Variants in EXT1 observed in about 807,000 individuals in gnomAD.
EXT1 encodes the protein exostosin glycosyltransferase 1, also known as exostosin-1.
A neutral mutation model predicts 82.5 loss-of-function variants in EXT1; 20 were observed. The observed-to-expected ratio is 0.24, with a 90% CI of 0.17 to 0.35. EXT1 has a LOEUF of 0.35. Ranked by LOEUF, EXT1 falls within the 10% of genes least tolerant of loss-of-function variation. The pLI is 1.00. For missense variants in EXT1, 757 were observed against 936.5 expected (o/e 0.81, Z 2.50); for synonymous variants, 348 against 350.8 (o/e 0.99, Z 0.09).
At chr8:117,876,428 C>T (rs1250295543) in intron 1 of EXT1, among the ~76,000 whole-genome samples, 1 of 152,132 alleles carries the variant, frequency 6.6e-6, no homozygotes, top group Non-Finnish European at 1.5e-5. Context: ...TACTAGACTC[C>T]AGACCCAGAG....
rs893087898 is a variant in EXT1 at position 118,017,394 on chromosome 8, C to T, written c.962+92691G>A. On this transcript the variant is annotated intron_variant, in intron 1 of 10. Transcript: ENST00000378204. The stretch of plus-strand genomic sequence containing the variant: ...TATATGAAACAAAAGAGTTATTTGA[C>T]GCATGTTTTTACCTGAGTTGCTAAA... Among the ~76,000 whole-genome samples the T allele has an allele frequency of 1.5e-3, 226 of 152,136 alleles. 4 individuals carry two copies. The highest frequency in any genetic ancestry group is 2.5e-4 in the Non-Finnish European group (17 of 68,014).
intron 1 of EXT1, among the ~76,000 whole-genome samples, chr8:118,005,092 A>C (rs1401799092): frequency 6.6e-6 from 1 of 152,158 alleles, no homozygotes; most frequent in Non-Finnish European, 1.5e-5. Flanking sequence ...AGAGCTGGAG[A>C]GTGGCAGTCA....
intron 10 of EXT1, among the ~76,000 whole-genome samples, chr8:117,803,314 C>A (rs1362663561): frequency 6.6e-6 from 1 of 152,052 alleles, no homozygotes; most frequent in Non-Finnish European, 1.5e-5. Flanking sequence ...CGTGCCTCAG[C>A]CACCCGAGTA....
At chr8:117,931,244 T>C (rs1814055168) in intron 1 of EXT1, among the ~76,000 whole-genome samples, 1 of 152,176 alleles carries the variant, frequency 6.6e-6, no homozygotes, top group African/African-American at 2.4e-5. Context: ...GAATTCTTTC[T>C]CTCACAAGAT....
rs535901509 is a variant in EXT1, at chr8:118,020,479, A to T, written c.962+89606T>A. Reference sequence around the variant, plus strand: ...TATAGATGCTATGATAATCCTCTATAAATCAATGTTTAGTGCATTATCTGA... The same window carrying T: ...TATAGATGCTATGATAATCCTCTATTAATCAATGTTTAGTGCATTATCTGA... On this transcript the variant is annotated intron_variant, in intron 1 of 10. Transcript: ENST00000378204. 4.1e-4 allele frequency among the ~76,000 whole-genome samples: 62 copies of T among 152,344 alleles called. 1 individual carries two copies. Among genetic ancestry groups the T allele is most frequent in the Middle Eastern group, 6.8e-3 (2 of 294 alleles).
At chr8:117,865,730 C>T (rs890314538) in intron 1 of EXT1, among the ~76,000 whole-genome samples, 7 of 152,114 alleles carry the variant, frequency 4.6e-5, no homozygotes, top group South Asian at 2.1e-4. Context: ...TCGTATAAAT[C>T]GTGTAAATAA....
In EXT1 at chr8:118,111,022, T is replaced by A. The variant is rs772883826; in HGVS notation, c.25A>T (p.Ile9Phe). 18 of 1,600,924 alleles carry A rather than the reference T, an allele frequency of 1.1e-5. No homozygotes were observed. In the African/African-American group the frequency reaches 2.4e-4, roughly 21 times the overall value. The part of the protein sequence containing the change: MQAKKRYF[I>F]LLSAGSCLAL... ...AGACAAGAGCCAGCTGAGAGCAGGA[T>A]GAAATAGCGTTTTTTGGCCTGCATG... Residue 9 changes from isoleucine to phenylalanine, a missense_variant, in exon 1 of 11, where the codon ATC (isoleucine) becomes TTC (phenylalanine). Around this residue, in one of 4 missense-constraint regions of EXT1, gnomAD observed 175 missense variants for 159.0 expected, o/e 1.10. Coordinates refer to ENST00000378204, the MANE Select transcript of EXT1 (RefSeq NM_000127.3).
chr8:117,942,651 C>T (rs1022006422), intron 1 of EXT1, among the ~76,000 whole-genome samples: 5 of 152,024 alleles, frequency 3.3e-5, no homozygotes, highest in African/African-American at 9.7e-5. Context: ...GTGGAGGTTG[C>T]GGTGAGCTGA....
chr8:118,025,308 G>A (rs1030235316), intron 1 of EXT1, among the ~76,000 whole-genome samples: 1 of 152,168 alleles, frequency 6.6e-6, no homozygotes, highest in Admixed American at 6.5e-5. Flanking sequence ...CAAAGTACAG[G>A]AGCAGACTTC....
intron 1 of EXT1, among the ~76,000 whole-genome samples, chr8:117,934,801 A>G (rs1176902912): frequency 6.6e-6 from 1 of 152,032 alleles, no homozygotes; most frequent in African/African-American, 2.4e-5. Context: ...TTATGTACGT[A>G]TTTTTTTTAA....
chr8:117,813,931 G>A lies in EXT1; in HGVS notation c.1633-970C>T, dbSNP rs995891436. ...TGAGGCAGGAGAATCACTTGAACCCGGGAGGCAGAGGTTACAGTGAGCTGA... is the reference window on the plus strand; with the variant it reads ...TGAGGCAGGAGAATCACTTGAACCCAGGAGGCAGAGGTTACAGTGAGCTGA... On this transcript the variant is annotated intron_variant, in intron 7 of 10. Coordinates refer to ENST00000378204, the MANE Select transcript of EXT1 (RefSeq NM_000127.3). 2.6e-5 allele frequency among the ~76,000 whole-genome samples: 4 copies of A among 151,804 alleles called. No homozygotes were observed. The South Asian group carries it at 6.3e-4, about 24-fold the overall frequency.
At chr8:118,096,958 T>C (rs1817630211) in intron 1 of EXT1, among the ~76,000 whole-genome samples, 1 of 152,224 alleles carries the variant, frequency 6.6e-6, no homozygotes, top group Non-Finnish European at 1.5e-5. Context: ...TTTTCATTTA[T>C]GCAACAAACA....
At chr8:118,027,196 C>T (rs555841154) in intron 1 of EXT1, among the ~76,000 whole-genome samples, 1 of 152,230 alleles carries the variant, frequency 6.6e-6, no homozygotes, top group South Asian at 2.1e-4. Flanking sequence ...AACTCAAGTA[C>T]ACAGAATAGT....
At chr8:118,002,360 G>A (rs935199060) in intron 1 of EXT1, among the ~76,000 whole-genome samples, 1 of 125,098 alleles carries the variant, frequency 8.0e-6, no homozygotes, top group Admixed American at 1.0e-4. Context: ...TAGCCTGGGC[G>A]ACAGACGGCG....
chr8:117,940,384 G>A (rs887650135), intron 1 of EXT1, among the ~76,000 whole-genome samples: 2 of 152,060 alleles, frequency 1.3e-5, no homozygotes, highest in African/African-American at 4.8e-5. Flanking sequence ...GTGGCAAGCT[G>A]AGCTAGCATT....
chr8:117,801,413 T>A (rs996306807), intron 10 of EXT1, among the ~76,000 whole-genome samples: 1 of 152,216 alleles, frequency 6.6e-6, no homozygotes, highest in African/African-American at 2.4e-5. Context: ...GAGAAAGATA[T>A]CAAATGGAGC....
At chr8:118,043,512 A>G (rs576794721) in intron 1 of EXT1, among the ~76,000 whole-genome samples, 6 of 152,338 alleles carry the variant, frequency 3.9e-5, no homozygotes, top group Admixed American at 3.3e-4. Context: ...ATCTTGGCAC[A>G]TTTACACAGC....
chr8:117,892,721 G>A (rs1813266832), intron 1 of EXT1, among the ~76,000 whole-genome samples: 1 of 152,216 alleles, frequency 6.6e-6, no homozygotes, highest in Non-Finnish European at 1.5e-5. Context: ...TCCGGTGAGA[G>A]GTAACTGTGG....
At chr8:117,940,180 C>T (rs951634236) in intron 1 of EXT1, among the ~76,000 whole-genome samples, 1 of 152,228 alleles carries the variant, frequency 6.6e-6, no homozygotes, top group African/African-American at 2.4e-5. Flanking sequence ...TTGTTTCAAG[C>T]CATCTACCCT....
Sources: gnomAD v4.1 joint callset for allele counts (sites outside exome capture counted in the v4.1 genomes callset) on GRCh38, gnomAD v4.1.1 for gene constraint, gnomAD v4.1.1 regional missense constraint, MANE v1.5 for transcripts, NCBI Gene and HGNC (gene_info 2026-07-23, HGNC 2026-07-21) for gene names.